Variants in KDM2B observed in about 807,000 individuals in gnomAD.
The protein encoded by KDM2B is lysine-specific demethylase 2B.
A neutral mutation model predicts 150.0 loss-of-function variants in KDM2B; 26 were observed. The ratio of observed to expected loss-of-function variants is 0.17; its 90% confidence interval spans 0.13 to 0.24. KDM2B has a LOEUF of 0.24. Ranked by LOEUF, KDM2B falls within the 10% of genes least tolerant of loss-of-function variation. The pLI is 1.00. For synonymous variants in KDM2B, 734 were observed against 729.5 expected (o/e 1.01, Z -0.10); for missense variants, 1,265 against 1,816.9 (o/e 0.70, Z 5.52).
intron 6 of KDM2B, among the ~76,000 whole-genome samples, chr12:121,546,695 G>A (rs1193832564): frequency 4.2e-5 from 6 of 143,758 alleles, no homozygotes; most frequent in Middle Eastern, 4.7e-3. Flanking sequence ...GAGCCTCCGC[G>A]CCCAGCCTCT....
chr12:121,415,325 A>C, the KDM2B span: 2 of 375,174 alleles, frequency 5.3e-6, no homozygotes, highest in Non-Finnish European at 1.2e-5. Flanking sequence ...GAAATGAAGT[A>C]ATTTAAATTT....
rs1192952440 is a variant in KDM2B at position 121,520,225 on chromosome 12, T to C, written c.1047+760A>G. The stretch of plus-strand genomic sequence containing the variant: ...CAGTTTTGACCCAGTTTGGGACCTG[T>C]CTTATGTGCCTAGGGACACGTGATC... On this transcript the variant is annotated intron_variant, in intron 9 of 22. Coordinates refer to ENST00000377071, the MANE Select transcript of KDM2B (RefSeq NM_032590.5). The surrounding 1 kb of genome is among the most constrained non-coding windows in gnomAD (Gnocchi z 4.5). Among the ~76,000 whole-genome samples, 3 of 152,048 alleles carry C rather than the reference T, an allele frequency of 2.0e-5. No individual in the cohort carries two copies. The highest frequency in any genetic ancestry group is 1.3e-4 in the Admixed American group (2 of 15,260).
Position 121,535,995 on chromosome 12 carries a change from C to T in KDM2B, c.684-1405G>A, listed in dbSNP as rs940331060. 1.9e-5 allele frequency: 18 copies of T among 960,366 alleles called. No homozygotes were observed. The South Asian group carries it at 4.8e-4, about 26-fold the overall frequency. The allele number at this position is 960,366 out of a possible 1,614,324, so 59.5% of individuals were successfully genotyped here. On this transcript the variant is annotated intron_variant, in intron 6 of 22. Transcript: ENST00000377071. ...CATGCACCTTGGCACCTCCGGAGCC[C>T]GCAACACATGCTTACCCCACTGACC...
rs781837921 is a variant in KDM2B, at chr12:121,521,079, G to T, written c.953C>A (p.Thr318Asn). ...GCCGAACACCAAAGAGTCTACAGGG[G>T]TGTAGACGGCATGGATCCAACCTGG... ...IPSGWIHAVY[T>N]PVDSLVFGGN... The change falls in exon 9 of 23, where the codon ACC (threonine) becomes AAC (asparagine). Residue 318 changes from threonine (T) to asparagine (N), a missense_variant. Around this residue, in one of 11 missense-constraint regions of KDM2B, gnomAD observed 214 missense variants for 447.4 expected, o/e 0.48. Transcript: ENST00000377071. This position sits in a 1 kb window ranked among gnomAD's most constrained non-coding sequence, Gnocchi z 4.9. 6.2e-7 allele frequency: 1 copy of T among 1,613,476 alleles called. No homozygotes were observed. Among genetic ancestry groups the T allele is most frequent in the South Asian group, 1.1e-5 (1 of 91,082 alleles).
chr12:121,414,167 A>T, the KDM2B span, among the ~76,000 whole-genome samples: 1,115 of 152,370 alleles, frequency 7.3e-3, 41 homozygotes, highest in Admixed American at 0.057. Context: ...ACATGCTATT[A>T]TAAAATGTTT....
chr12:121,516,464 C>G, intron 9 of KDM2B: 2 of 1,326,662 alleles, frequency 1.5e-6, no homozygotes, highest in Non-Finnish European at 2.0e-6. Context: ...AAAGAATTGA[C>G]TTACAAACAG....
the KDM2B span, among the ~76,000 whole-genome samples, chr12:121,411,467 T>A: frequency 6.6e-6 from 1 of 152,236 alleles, no homozygotes; most frequent in African/African-American, 2.4e-5. Flanking sequence ...AGAATTTTAA[T>A]GCTCATACTC....
intron 12 of KDM2B, chr12:121,469,381 C>T (rs1260317423): frequency 7.4e-6 from 1 of 135,164 alleles, no homozygotes. Flanking sequence ...TTTTGGGAGG[C>T]TGAGGAGGGT....
chr12:121,492,971 C>G (rs1285869980), intron 12 of KDM2B, among the ~76,000 whole-genome samples: 1 of 151,528 alleles, frequency 6.6e-6, no homozygotes, highest in Non-Finnish European at 1.5e-5. Context: ...TCACAGCTCA[C>G]TGCAGCCTCA....
At chr12:121,449,219 G>A (rs573212561) in intron 13 of KDM2B, among the ~76,000 whole-genome samples, 48 of 152,212 alleles carry the variant, frequency 3.2e-4, no homozygotes, top group Admixed American at 9.8e-4. Flanking sequence ...CAGACTGCAG[G>A]ACACCAGCAT....
the KDM2B span, among the ~76,000 whole-genome samples, chr12:121,412,230 CTTTTTTTT>C: frequency 1.8e-4 from 9 of 49,648 alleles, no homozygotes; most frequent in African/African-American, 5.5e-4. Flanking sequence ...CCCAACTAAT[CTTTTTTTT>C]TTTTTTTTTT....
downstream of KDM2B, among the ~76,000 whole-genome samples, chr12:121,425,342 T>C (rs1203214695): frequency 6.6e-6 from 1 of 151,896 alleles, no homozygotes; most frequent in East Asian, 1.9e-4. Context: ...CTTGAGCTAT[T>C]ATGCAAAAAT....
At chr12:121,420,340 G>T in the KDM2B span, 1 of 1,558,116 alleles carries the variant, frequency 6.4e-7, no homozygotes, top group Non-Finnish European at 8.7e-7. Flanking sequence ...ATCGGGTGAG[G>T]CCACCTATAA....
At chr12:121,556,410 G>T (rs1196923888) in intron 4 of KDM2B, among the ~76,000 whole-genome samples, 1 of 152,054 alleles carries the variant, frequency 6.6e-6, no homozygotes, top group Admixed American at 6.6e-5. Flanking sequence ...TCTCTCTCTT[G>T]CTCCCTCTGT....
Position 121,509,861 on chromosome 12 carries a change from A to C in KDM2B, c.1353T>G (p.Ser451=). Residue 451 remains serine, a synonymous_variant, in exon 11 of 23, where the codon TCT becomes TCG. Coordinates refer to ENST00000377071, the MANE Select transcript of KDM2B (RefSeq NM_032590.5). Reference sequence around the variant, plus strand: ...TCTTCCCGAGGGCCTCCTGGTCCTCAGAGGGCGTGCTGGTGGGTGAAGTGG... The same window carrying C: ...TCTTCCCGAGGGCCTCCTGGTCCTCCGAGGGCGTGCTGGTGGGTGAAGTGG... ...DGSTSPTSTP[S]EDQEALGKKP... is the part of the protein sequence containing the mutation. The C allele has an allele frequency of 6.2e-7, 1 of 1,613,926 alleles. No individual in the cohort carries two copies. The highest frequency in any genetic ancestry group is 1.1e-5 in the South Asian group (1 of 91,066).
chr12:121,516,853 T>G, intron 9 of KDM2B: 1 of 658,452 alleles, frequency 1.5e-6, no homozygotes, highest in Non-Finnish European at 2.7e-6. Context: ...GTCCTACAAT[T>G]TGTTTTTCTC....
intron 4 of KDM2B, among the ~76,000 whole-genome samples, chr12:121,573,745 G>T (rs1310164420): frequency 6.6e-6 from 1 of 151,956 alleles, no homozygotes; most frequent in Admixed American, 6.6e-5. Flanking sequence ...CCGCCACCAC[G>T]CCTGGCTAAT....
At chr12:121,426,973 G>C (rs1294702338), downstream of KDM2B, among the ~76,000 whole-genome samples, 1 of 152,126 alleles carries the variant, frequency 6.6e-6, no homozygotes, top group Non-Finnish European at 1.5e-5. Context: ...ATATGGATAA[G>C]TCTGCAGTGG....
chr12:121,546,185 A>G (rs1169998541), intron 6 of KDM2B, among the ~76,000 whole-genome samples: 3 of 152,182 alleles, frequency 2.0e-5, no homozygotes, highest in Non-Finnish European at 4.4e-5. Flanking sequence ...TGTAAACCCC[A>G]GTACTCAGCA....
Sources: allele counts gnomAD v4.1 joint callset (sites outside exome capture counted in the v4.1 genomes callset), GRCh38; gene constraint gnomAD v4.1.1; regional missense constraint gnomAD v4.1.1; non-coding constraint Gnocchi (gnomAD v3.1); transcripts MANE v1.5; gene names NCBI Gene and HGNC (gene_info 2026-07-23, HGNC 2026-07-21).